PRKCE: variants seen among roughly 807,000 people sequenced by gnomAD.
PRKCE encodes the protein protein kinase C epsilon.
A neutral mutation model predicts 85.4 loss-of-function variants in PRKCE; 16 were observed. That is an observed-to-expected ratio of 0.19 (90% CI 0.13 to 0.28). The LOEUF (loss-of-function observed/expected upper bound fraction) is 0.28, where lower values mean the gene tolerates loss of function less well. Ranked by LOEUF, PRKCE falls within the 10% of genes least tolerant of loss-of-function variation. PRKCE has a pLI of 1.00. For missense variants in PRKCE, 573 were observed against 975.2 expected (o/e 0.59, Z 5.49); for synonymous variants, 388 against 371.5 (o/e 1.04, Z -0.51).
At chr2:45,810,898 A>G (rs1402925817) in intron 1 of PRKCE, among the ~76,000 whole-genome samples, 1 of 151,144 alleles carries the variant, frequency 6.6e-6, no homozygotes, top group Non-Finnish European at 1.5e-5. Flanking sequence ...GAGATAACAC[A>G]GAAGTGTCCT....
chr2:45,668,112 G>C (rs186339070), intron 1 of PRKCE, among the ~76,000 whole-genome samples: 1 of 152,176 alleles, frequency 6.6e-6, no homozygotes, highest in African/African-American at 2.4e-5. Flanking sequence ...AGGCCGAGGC[G>C]GTTGTATCAC....
chr2:46,015,185 T>C (rs565456295), intron 10 of PRKCE, among the ~76,000 whole-genome samples: 3 of 152,248 alleles, frequency 2.0e-5, no homozygotes, highest in African/African-American at 7.2e-5. Context: ...CATTCAGGCA[T>C]TGACTACAAG....
intron 2 of PRKCE, among the ~76,000 whole-genome samples, chr2:45,923,864 G>T (rs1448070390): frequency 1.3e-5 from 2 of 152,188 alleles, no homozygotes; most frequent in African/African-American, 4.8e-5. Context: ...TGAGGTGGTT[G>T]GAGTGATCTT....
At chr2:45,787,815 T>C (rs1244577152) in intron 1 of PRKCE, among the ~76,000 whole-genome samples, 4 of 152,184 alleles carry the variant, frequency 2.6e-5, no homozygotes, top group African/African-American at 9.7e-5. Flanking sequence ...ATGTATGACC[T>C]CAAGGGATGA....
At chr2:46,019,646 A>C (rs994220950) in intron 10 of PRKCE, among the ~76,000 whole-genome samples, 4 of 152,182 alleles carry the variant, frequency 2.6e-5, no homozygotes, top group Non-Finnish European at 5.9e-5. Flanking sequence ...ACTCTTCTTT[A>C]TACCAATTAG....
chr2:45,963,341 C>T (rs899007074), intron 2 of PRKCE, among the ~76,000 whole-genome samples: 1 of 151,902 alleles, frequency 6.6e-6, no homozygotes, highest in Admixed American at 6.6e-5. Context: ...CCGAGTCTTG[C>T]TCTATTGCCC....
rs1677129772 is a variant in PRKCE, at chr2:46,155,726, C to T, written c.1921-3880C>T. ...AGAAATGGGGTGCAATCCCTCTCTC[C>T]CCATCACAGCTAGTCATCAAGTCCG... On this transcript the variant is annotated intron_variant, in intron 13 of 14. Transcript: ENST00000306156. This position sits in a 1 kb window ranked among gnomAD's most constrained non-coding sequence, Gnocchi z 4.7. 6.6e-6 allele frequency among the ~76,000 whole-genome samples: 1 copy of T among 152,156 alleles called. No individual in the cohort carries two copies. The highest frequency in any genetic ancestry group is 1.5e-5 in the Non-Finnish European group (1 of 68,028).
At chr2:45,926,742 T>C (rs954288412) in intron 2 of PRKCE, among the ~76,000 whole-genome samples, 1 of 152,200 alleles carries the variant, frequency 6.6e-6, no homozygotes, top group African/African-American at 2.4e-5. Flanking sequence ...GGGGCTCCTG[T>C]GGGCCAGAGG....
At chr2:45,893,801 TC>T (rs1426770651) in intron 2 of PRKCE, among the ~76,000 whole-genome samples, 1 of 152,126 alleles carries the variant, frequency 6.6e-6, no homozygotes, top group East Asian at 1.9e-4. Context: ...CAGCCAGGCT[TC>T]CCAACTATGC....
chr2:45,790,689 T>A (rs1013255026), intron 1 of PRKCE, among the ~76,000 whole-genome samples: 1 of 152,244 alleles, frequency 6.6e-6, no homozygotes, highest in Non-Finnish European at 1.5e-5. Context: ...CACGTTTTTC[T>A]TCTCCTTTTT....
At chr2:45,706,419 C>T (rs1454422826) in intron 1 of PRKCE, among the ~76,000 whole-genome samples, 1 of 152,174 alleles carries the variant, frequency 6.6e-6, no homozygotes, top group East Asian at 1.9e-4. Context: ...TTCTCTGAAT[C>T]CTCCCTGCCC....
At chr2:46,017,866 C>T (rs1482081501) in intron 10 of PRKCE, among the ~76,000 whole-genome samples, 1 of 152,306 alleles carries the variant, frequency 6.6e-6, no homozygotes, top group East Asian at 1.9e-4. Context: ...TTGTTTGCAA[C>T]AGAACCCAGA....
Position 45,832,775 on chromosome 2 carries a change from G to A in PRKCE, c.349-10225G>A, listed in dbSNP as rs1008002868. On this transcript the variant is annotated intron_variant, in intron 1 of 14. Transcript: ENST00000306156. The stretch of plus-strand genomic sequence containing the variant: ...TCCACTTGGAGAACCCGGCTTTAAC[G>A]CACACTCCTCTTCTGCAAATTGTGA... Among the ~76,000 whole-genome samples, 7 of 152,216 alleles carry A rather than the reference G, an allele frequency of 4.6e-5. No individual in the cohort carries two copies. In the East Asian group the frequency reaches 9.6e-4, roughly 21 times the overall value.
At position 45,843,136 on chromosome 2, in the gene PRKCE, C is replaced by T. The variant is rs551587527; in HGVS notation, c.412+73C>T. The T allele has an allele frequency of 4.8e-5, 64 of 1,340,268 alleles. No individual in the cohort carries two copies. In the Admixed American group the frequency reaches 7.4e-4, roughly 15 times the overall value. The allele number at this position is 1,340,268 out of a possible 1,614,324, so 83.0% of individuals were successfully genotyped here. Reference sequence around the variant, plus strand: ...GCCTTCTGGGTCTCTTCTTTCCCCCCCTTGGCCGGAACACATTATAGTGAC... The same window carrying T: ...GCCTTCTGGGTCTCTTCTTTCCCCCTCTTGGCCGGAACACATTATAGTGAC... On this transcript the variant is annotated intron_variant, in intron 2 of 14. Transcript: ENST00000306156.
chr2:45,924,233 GT>G lies in PRKCE; in HGVS notation c.413-52190del, dbSNP rs1273686287. On this transcript the variant is annotated intron_variant, in intron 2 of 14. Transcript: ENST00000306156. ...TGGCCATTTAGTTGCTGAGTAATTT[GT>G]TTTTTGATCTTTATAAGAATGGGAA... Among the ~76,000 whole-genome samples the G allele has an allele frequency of 2.6e-5, 4 of 152,254 alleles. No homozygotes were observed. The East Asian group carries it at 7.7e-4, about 29-fold the overall frequency.
intron 2 of PRKCE, among the ~76,000 whole-genome samples, chr2:45,847,485 C>T (rs1490592170): frequency 2.0e-5 from 3 of 152,324 alleles, no homozygotes; most frequent in African/African-American, 2.4e-5. Flanking sequence ...CACAGGCAGA[C>T]GTGATCAAAC....
chr2:45,900,546 A>G (rs1293717778), intron 2 of PRKCE, among the ~76,000 whole-genome samples: 1 of 152,222 alleles, frequency 6.6e-6, no homozygotes, highest in Non-Finnish European at 1.5e-5. Context: ...TTCCACTTAC[A>G]TGAGGTCCTA....
At chr2:45,717,631 A>G (rs1053790316) in intron 1 of PRKCE, among the ~76,000 whole-genome samples, 2 of 152,090 alleles carry the variant, frequency 1.3e-5, no homozygotes, top group African/African-American at 4.8e-5. Flanking sequence ...TAGTTTTTGT[A>G]TTTAATGGTG....
intron 5 of PRKCE, 45 bp downstream of exon 5, chr2:45,980,426 C>T: frequency 6.4e-7 from 1 of 1,552,380 alleles, no homozygotes; most frequent in Non-Finnish European, 8.8e-7. Context: ...TCACCGCCAG[C>T]CCCTCCCTTC....
Sources: allele counts gnomAD v4.1 joint callset (sites outside exome capture counted in the v4.1 genomes callset), GRCh38; gene constraint gnomAD v4.1.1; non-coding constraint Gnocchi (gnomAD v3.1); transcripts MANE v1.5; gene names NCBI Gene and HGNC (gene_info 2026-07-23, HGNC 2026-07-21).